CPEB2: variants seen among roughly 807,000 people sequenced by gnomAD.
CPEB2 encodes cytoplasmic polyadenylation element-binding protein 2.
CPEB2 carries 56 observed loss-of-function variants against 93.6 expected under a neutral mutation model. The observed-to-expected ratio is 0.60, with a 90% CI of 0.48 to 0.75. The LOEUF (loss-of-function observed/expected upper bound fraction) is 0.75. Ranked by LOEUF, CPEB2 falls within the 30% of genes least tolerant of loss-of-function variation. The pLI, the probability that CPEB2 is intolerant of heterozygous loss-of-function variation, is 0.00. For synonymous variants in CPEB2, 764 were observed against 586.3 expected (o/e 1.30, Z -4.38); for missense variants, 1,579 against 1,395.1 (o/e 1.13, Z -2.10).
At chr4:15,012,381 A>G (rs1004086149) in intron 3 of CPEB2, among the ~76,000 whole-genome samples, 3 of 152,148 alleles carry the variant, frequency 2.0e-5, no homozygotes, top group Non-Finnish European at 4.4e-5. Flanking sequence ...AACACACTTT[A>G]TTGAGGTTCG....
chr4:15,018,969 T>TACAC (rs1553853219), intron 4 of CPEB2, among the ~76,000 whole-genome samples: 1 of 139,192 alleles, frequency 7.2e-6, no homozygotes, highest in East Asian at 2.0e-4. Context: ...TATATATATA[T>TACAC]ACACACGCAC....
rs1193726396 is a variant in CPEB2 at position 15,069,023 on chromosome 4, A to G, written c.*2643A>G. The G allele has an allele frequency of 6.6e-6, 1 of 151,554 alleles. No homozygotes were observed. Among genetic ancestry groups the G allele is most frequent in the Non-Finnish European group, 1.5e-5 (1 of 67,654 alleles). The allele number at this position is 151,554 out of a possible 1,614,324, so 9.4% of individuals were successfully genotyped here. ...ATCATATTTATTTTACTATTTTTGT[A>G]GAAAATTATTAATTTTGATTGTATT... is the stretch of plus-strand genomic sequence containing the variant. On this transcript the variant is annotated 3_prime_UTR_variant, in exon 12 of 12. Coordinates refer to ENST00000538197, the MANE Select transcript of CPEB2 (RefSeq NM_001177382.2).
intron 8 of CPEB2, 141 bp downstream of exon 8, chr4:15,054,358 TTGAG>T (rs2109085442): frequency 1.5e-6 from 1 of 661,260 alleles, no homozygotes; most frequent in South Asian, 1.8e-5. Flanking sequence ...CAACAAATGT[TTGAG>T]TATTTTCTCT....
chr4:15,019,227 TAAAA>T (rs943683501), intron 4 of CPEB2, among the ~76,000 whole-genome samples: 2 of 151,132 alleles, frequency 1.3e-5, no homozygotes, highest in African/African-American at 2.4e-5. Context: ...CTGCATAAAA[TAAAA>T]AAATAAGACT....
Position 15,003,238 on chromosome 4 carries a change from C to T in CPEB2, c.565C>T (p.His189Tyr), listed in dbSNP as rs1722228495. Residue 189 changes from histidine to tyrosine, a missense_variant, in exon 1 of 12, where the codon CAC becomes TAC. Physicochemically the swap from His to Tyr is moderately conservative, Grantham distance 83. Transcript: ENST00000538197. ...RKEFSPPHLP[H>Y]PPDSKPPPPP... is the part of the protein sequence containing the mutation. ...AGAGTTCAGCCCTCCCCACCTTCCC[C>T]ACCCTCCGGACTCGAAGCCGCCGCC... The T allele has an allele frequency of 9.2e-6, 14 of 1,528,400 alleles. No individual in the cohort carries two copies. Among genetic ancestry groups the T allele is most frequent in the Non-Finnish European group, 1.2e-5 (14 of 1,144,336 alleles). 94.7% of individuals were successfully genotyped at this position (1,528,400 alleles called of 1,614,324 possible).
intron 2 of CPEB2, 130 bp from the exon 3 acceptor site, chr4:15,008,208 C>T: frequency 1.4e-4 from 71 of 499,552 alleles, no homozygotes; most frequent in South Asian, 5.3e-4. Flanking sequence ...TTGTTTTTTT[C>T]TTAAACCTTT....
At chr4:15,058,609 T>C in intron 9 of CPEB2, 70 bp downstream of exon 9, 1 of 844,272 alleles carries the variant, frequency 1.2e-6, no homozygotes, top group Non-Finnish European at 2.0e-6. Flanking sequence ...AAATGATTGT[T>C]AATTAATAAA....
rs989542917 is a variant in CPEB2 at position 15,003,324 on chromosome 4, G to C, written c.651G>C (p.Pro217=). The change falls in exon 1 of 12, where the codon CCG becomes CCC. Residue 217 remains proline, a synonymous_variant. Transcript: ENST00000538197. The part of the protein sequence containing the change: ...RFSPPPPPAG[P]LLQPAQLAQR... Reference sequence around the variant, plus strand: ...GCCCGCCGCCGCCGCCAGCCGGCCCGCTCCTCCAGCCGGCGCAGCTCGCTC... The same window carrying C: ...GCCCGCCGCCGCCGCCAGCCGGCCCCCTCCTCCAGCCGGCGCAGCTCGCTC... 2 of 1,415,588 alleles carry C rather than the reference G, an allele frequency of 1.4e-6. No homozygotes were observed. Among genetic ancestry groups the C allele is most frequent in the African/African-American group, 1.5e-5 (1 of 65,346 alleles). 87.7% of individuals were successfully genotyped at this position (1,415,588 alleles called of 1,614,324 possible). A position where few individuals can be genotyped will look rare whatever the true frequency, so the allele number is the denominator to read the frequency against.
intron 9 of CPEB2, among the ~76,000 whole-genome samples, 181 bp downstream of exon 9, chr4:15,058,720 C>T (rs564676072): frequency 3.3e-5 from 5 of 152,286 alleles, no homozygotes. Context: ...TACTGGTGGT[C>T]CATGATCTTT....
intron 3 of CPEB2, among the ~76,000 whole-genome samples, chr4:15,014,480 T>C (rs555535776): frequency 1.7e-4 from 26 of 152,138 alleles, no homozygotes; most frequent in Admixed American, 8.5e-4. Flanking sequence ...CTTTCAGTAT[T>C]GTGGTACTTA....
intron 5 of CPEB2, among the ~76,000 whole-genome samples, chr4:15,037,766 C>T (rs1326342131): frequency 3.3e-5 from 5 of 152,136 alleles, no homozygotes; most frequent in Admixed American, 6.5e-5. Flanking sequence ...GTTGTTTTTA[C>T]AACACTTCAT....
chr4:15,007,764 A>C (rs1234397186), intron 2 of CPEB2, among the ~76,000 whole-genome samples, 178 bp downstream of exon 2: 1 of 152,214 alleles, frequency 6.6e-6, no homozygotes, highest in Non-Finnish European at 1.5e-5. Context: ...TGAGAATGTA[A>C]AATAATTCTC....
chr4:15,005,054 C>G (rs1226591521), intron 1 of CPEB2: 3 of 152,264 alleles, frequency 2.0e-5, no homozygotes, highest in East Asian at 1.9e-4. Flanking sequence ...CTGGCAGCGC[C>G]GCACCCTGGG....
chr4:15,048,387 T>C lies in CPEB2; in HGVS notation c.2201-4027T>C, dbSNP rs552813700. ...AGATTTTTTTATTTTAAGTTATGAC[T>C]TTCATTTTTTTTTAGCAGACAAAGA... On this transcript the variant is annotated intron_variant, in intron 6 of 11. Transcript: ENST00000538197. 2.1e-4 allele frequency among the ~76,000 whole-genome samples: 32 copies of C among 152,062 alleles called. No individual in the cohort carries two copies. In the East Asian group the frequency reaches 5.8e-3, roughly 28 times the overall value.
intron 4 of CPEB2, among the ~76,000 whole-genome samples, chr4:15,029,706 A>G (rs1417411543): frequency 6.6e-6 from 1 of 152,106 alleles, no homozygotes; most frequent in Non-Finnish European, 1.5e-5. Flanking sequence ...CTTACCAGAA[A>G]CATTAACACT....
chr4:15,011,831 G>A (rs962813719), intron 3 of CPEB2, among the ~76,000 whole-genome samples: 32 of 152,080 alleles, frequency 2.1e-4, no homozygotes, highest in Admixed American at 1.9e-3. Flanking sequence ...GTGCATGTCC[G>A]CCTGCCTTCC....
At chr4:15,058,585 C>G in intron 9 of CPEB2, 46 bp downstream of exon 9, 2 of 1,090,892 alleles carry the variant, frequency 1.8e-6, no homozygotes. Context: ...GCAAATTTTT[C>G]AAAAATTGTT....
intron 4 of CPEB2, among the ~76,000 whole-genome samples, chr4:15,022,051 C>T (rs1390362405): frequency 6.6e-6 from 1 of 152,086 alleles, no homozygotes; most frequent in Non-Finnish European, 1.5e-5. Flanking sequence ...CTAAAAGTCT[C>T]CATTGTGAGA....
Position 15,052,393 on chromosome 4 carries a change from TG to T in CPEB2, c.2201-20del, listed in dbSNP as rs1454165623. The T allele has an allele frequency of 7.2e-7, 1 of 1,395,040 alleles. No homozygotes were observed. Among genetic ancestry groups the T allele is most frequent in the Non-Finnish European group, 9.5e-7 (1 of 1,056,146 alleles). The allele number at this position is 1,395,040 out of a possible 1,614,324, so 86.4% of individuals were successfully genotyped here. ...ATTTTCTCAGATCTGAGATTCAAGT[TG>T]TATTTGTTCTTTATTCTAGGTCGTT... On this transcript the variant is annotated intron_variant, in intron 6 of 11. Transcript: ENST00000538197.
Sources: allele counts gnomAD v4.1 joint callset (sites outside exome capture counted in the v4.1 genomes callset), GRCh38; gene constraint gnomAD v4.1.1; transcripts MANE v1.5; gene names NCBI Gene and HGNC (gene_info 2026-07-23, HGNC 2026-07-21).